The following LINGO1 variants were observed in gnomAD, a reference collection of about 807,000 sequenced individuals.
The protein encoded by LINGO1 is leucine-rich repeat and immunoglobulin-like domain-containing nogo receptor-interacting protein 1.
A neutral mutation model predicts 37.3 loss-of-function variants in LINGO1; 11 were observed. The ratio of observed to expected loss-of-function variants is 0.29; its 90% confidence interval spans 0.19 to 0.49. The LOEUF is 0.49. Among genes scored for constraint, LINGO1 ranks in the 20% least tolerant of loss-of-function variants. The probability of loss-of-function intolerance (pLI) is 0.99; values close to 1 mark genes in which losing one functional copy is unlikely to be tolerated. For synonymous variants in LINGO1, 387 were observed against 403.0 expected, an observed-to-expected ratio of 0.96 and a Z score of 0.48; for missense variants, 585 against 878.2, an observed-to-expected ratio of 0.67 and a Z score of 4.22.
chr15:77,795,705 G>C lies in LINGO1; in HGVS notation c.-343+234C>G, dbSNP rs74026821. On this transcript the variant is annotated intron_variant, in intron 2 of 5. Coordinates refer to the LINGO1 transcript ENST00000562933. ...CATGCCACGCGGGAACCCATTAGCC[G>C]GCACTGTCCGTGAAACCCACTTGCT... 1.0e-3 allele frequency among the ~76,000 whole-genome samples: 156 copies of C among 152,266 alleles called. 1 individual carries two copies. The highest frequency in any genetic ancestry group is 3.7e-3 in the African/African-American group (152 of 41,512).
intron 2 of LINGO1, among the ~76,000 whole-genome samples, chr15:77,795,586 C>T (rs114621882): frequency 0.012 from 1,860 of 152,318 alleles, 33 homozygotes; most frequent in African/African-American, 0.042. Flanking sequence ...TCCACATGTT[C>T]TGGCTCCCTC....
At chr15:77,780,856 A>G (rs1313388060) in intron 1 of LINGO1, among the ~76,000 whole-genome samples, 1 of 151,152 alleles carries the variant, frequency 6.6e-6, no homozygotes, top group Non-Finnish European at 1.5e-5. Context: ...GACCCCGACC[A>G]TGCCGGCACC....
chr15:77,698,557 C>G (rs1355022498), upstream of LINGO1, among the ~76,000 whole-genome samples: 1 of 152,144 alleles, frequency 6.6e-6, no homozygotes, highest in Non-Finnish European at 1.5e-5. Flanking sequence ...GAATGCCTGA[C>G]AGTGGGGCTG....
chr15:77,805,756 C>T (rs1426984804), intron 1 of LINGO1, among the ~76,000 whole-genome samples: 2 of 152,188 alleles, frequency 1.3e-5, no homozygotes, highest in Admixed American at 6.5e-5. Flanking sequence ...CCCCTGTAGG[C>T]TCCAAGGGCC....
At chr15:77,802,594 C>T (rs4075981) in intron 1 of LINGO1, among the ~76,000 whole-genome samples, 19,854 of 152,076 alleles carry the variant, frequency 0.13, 1,623 homozygotes, top group African/African-American at 0.23. Flanking sequence ...AAGGCCCCCT[C>T]CAGTTCCAGA....
intron 1 of LINGO1, among the ~76,000 whole-genome samples, chr15:77,619,662 G>C (rs780775501): frequency 2.0e-5 from 3 of 151,010 alleles, no homozygotes; most frequent in Non-Finnish European, 4.4e-5. Context: ...ATTCCAGCCT[G>C]GGCAACAGAG....
intron 2 of LINGO1, among the ~76,000 whole-genome samples, chr15:77,718,508 T>C (rs2076011943): frequency 6.6e-6 from 1 of 150,870 alleles, no homozygotes. Context: ...TGCCTACACA[T>C]GTACAGACTC....
At chr15:77,811,911 T>G (rs4350540) in intron 1 of LINGO1, among the ~76,000 whole-genome samples, 26,356 of 151,758 alleles carry the variant, frequency 0.17, 2,734 homozygotes, top group Admixed American at 0.31. Flanking sequence ...TTCTCTCTAC[T>G]TTTTCGTATG....
chr15:77,745,120 TGTC>T (rs2076300994), intron 1 of LINGO1, among the ~76,000 whole-genome samples: 1 of 112,382 alleles, frequency 8.9e-6, no homozygotes, highest in African/African-American at 3.7e-5. Flanking sequence ...AGCAAGACTC[TGTC>T]TTAAAAAAAA....
chr15:77,646,419 T>A (rs2074630783), intron 3 of LINGO1: 1 of 455,506 alleles, frequency 2.2e-6, no homozygotes. Context: ...TCAAGACGGC[T>A]AGGGGGCAGG....
intron 1 of LINGO1, among the ~76,000 whole-genome samples, chr15:77,782,301 G>A (rs540826416): frequency 1.3e-5 from 2 of 152,108 alleles, no homozygotes; most frequent in Non-Finnish European, 2.9e-5. Flanking sequence ...CCCACTCCCC[G>A]AGTTTTCCTG....
At chr15:77,800,942 G>A (rs555616968) in intron 1 of LINGO1, among the ~76,000 whole-genome samples, 2 of 152,250 alleles carry the variant, frequency 1.3e-5, no homozygotes, top group African/African-American at 4.8e-5. Context: ...TAGCAATCAG[G>A]GAAATGCAAA....
intron 3 of LINGO1, among the ~76,000 whole-genome samples, chr15:77,640,967 G>A (rs1271921494): frequency 6.6e-6 from 1 of 152,196 alleles, no homozygotes; most frequent in Non-Finnish European, 1.5e-5. Context: ...GAGAAGTGGG[G>A]GTGGGGCTGC....
intron 3 of LINGO1, among the ~76,000 whole-genome samples, chr15:77,639,989 G>A (rs768295124): frequency 2.0e-5 from 3 of 152,156 alleles, no homozygotes; most frequent in South Asian, 4.1e-4. Context: ...TCTCAGCAAC[G>A]CTATGGGCTC....
intron 2 of LINGO1, among the ~76,000 whole-genome samples, chr15:77,684,820 CCAG>C (rs2075476219): frequency 6.6e-6 from 1 of 152,124 alleles, no homozygotes; most frequent in Non-Finnish European, 1.5e-5. Context: ...GGCAACTGGC[CCAG>C]GAAGCTAGGG....
chr15:77,785,620 AG>A (rs1412056044), intron 1 of LINGO1, among the ~76,000 whole-genome samples: 1 of 151,882 alleles, frequency 6.6e-6, no homozygotes, highest in East Asian at 1.9e-4. Context: ...TCTGACCCCC[AG>A]CCCCCAGCAG....
chr15:77,782,198 A>G (rs1474977640), intron 1 of LINGO1, among the ~76,000 whole-genome samples: 2 of 135,314 alleles, frequency 1.5e-5, no homozygotes, highest in African/African-American at 2.8e-5. Flanking sequence ...ACGATGCTCA[A>G]GTGTGCGCAC....
chr15:77,743,476 C>T (rs985510887), intron 1 of LINGO1, among the ~76,000 whole-genome samples: 8 of 152,262 alleles, frequency 5.3e-5, no homozygotes, highest in South Asian at 4.1e-4. Flanking sequence ...TGTACCCTAC[C>T]TTAAAGACAG....
chr15:77,666,369 G>A (rs967299661), intron 3 of LINGO1, among the ~76,000 whole-genome samples: 1 of 152,190 alleles, frequency 6.6e-6, no homozygotes, highest in Non-Finnish European at 1.5e-5. Flanking sequence ...ACACATCAGA[G>A]AACATGGGAG....
Sources: allele counts gnomAD v4.1 joint callset (sites outside exome capture counted in the v4.1 genomes callset), GRCh38; gene constraint gnomAD v4.1.1; transcripts MANE v1.5; gene names NCBI Gene and HGNC (gene_info 2026-07-23, HGNC 2026-07-21).